The following SLC9C1 variants were observed in gnomAD, a reference collection of about 807,000 sequenced individuals.
SLC9C1 encodes solute carrier family 9 member C1, also known as sodium/hydrogen exchanger 10.
Under a neutral mutation model 140.9 loss-of-function variants are expected in SLC9C1, and 97 were observed. The observed-to-expected ratio is 0.69, with a 90% CI of 0.58 to 0.82. SLC9C1 has a LOEUF of 0.82. Ranked by LOEUF, SLC9C1 falls within the 40% of genes least tolerant of loss-of-function variation. SLC9C1 has a pLI of 0.00. For missense variants in SLC9C1, 1,340 were observed against 1,389.3 expected (o/e 0.96, Z 0.56); for synonymous variants, 440 against 442.6 (o/e 0.99, Z 0.07).
At chr3:112,251,933 C>G (rs1009058595) in intron 10 of SLC9C1, among the ~76,000 whole-genome samples, 6 of 152,210 alleles carry the variant, frequency 3.9e-5, no homozygotes, top group African/African-American at 1.4e-4. Context: ...ATCTAACCCC[C>G]AACCTTGCTC....
At chr3:112,205,302 A>C (rs1421547590) in intron 16 of SLC9C1, among the ~76,000 whole-genome samples, 1 of 152,220 alleles carries the variant, frequency 6.6e-6, no homozygotes, top group Non-Finnish European at 1.5e-5. Context: ...CCCATTCACA[A>C]TTGCTTCAAA....
chr3:112,291,947 A>G (rs1357981025), intron 1 of SLC9C1, among the ~76,000 whole-genome samples: 1 of 152,262 alleles, frequency 6.6e-6, no homozygotes, highest in Non-Finnish European at 1.5e-5. Flanking sequence ...ATAAAAAAGA[A>G]TGAGATCATG....
intron 1 of SLC9C1, among the ~76,000 whole-genome samples, chr3:112,290,498 T>C (rs898949952): frequency 1.3e-5 from 2 of 152,200 alleles, no homozygotes; most frequent in African/African-American, 4.8e-5. Context: ...TTAGAGTATG[T>C]GTCACGTGGC....
intron 20 of SLC9C1, chr3:112,185,649 C>T (rs1252448082): frequency 7.7e-6 from 12 of 1,563,312 alleles, no homozygotes; most frequent in Non-Finnish European, 1.0e-5. Context: ...AGCTCCTTGG[C>T]GGTCCAGTGA....
At chr3:112,150,793 CATATATATATATATATAAATACATAT>C (rs1560003229) in intron 28 of SLC9C1, among the ~76,000 whole-genome samples, 2 of 56,872 alleles carry the variant, frequency 3.5e-5, no homozygotes, top group African/African-American at 1.2e-4. Context: ...AATACATATA[CATATATATATATATATAAATACATAT>C]ACATATATAT....
At chr3:112,144,976 T>C (rs947085337) in intron 28 of SLC9C1, among the ~76,000 whole-genome samples, 1 of 152,246 alleles carries the variant, frequency 6.6e-6, no homozygotes, top group Non-Finnish European at 1.5e-5. Flanking sequence ...TCTAGTATTA[T>C]GTTGAATAGG....
intron 10 of SLC9C1, among the ~76,000 whole-genome samples, chr3:112,245,682 T>G (rs1293636725): frequency 6.6e-6 from 1 of 152,124 alleles, no homozygotes; most frequent in African/African-American, 2.4e-5. Flanking sequence ...TTTTCAAAAT[T>G]ATTAGGGCTA....
intron 23 of SLC9C1, among the ~76,000 whole-genome samples, chr3:112,177,592 C>T (rs1460600078): frequency 2.7e-5 from 4 of 149,556 alleles, no homozygotes; most frequent in Non-Finnish European, 4.4e-5. Context: ...AGCAGAGGAT[C>T]GGGGTGAATG....
At chr3:112,191,419 C>T (rs2077659282) in intron 20 of SLC9C1, among the ~76,000 whole-genome samples, 1 of 152,044 alleles carries the variant, frequency 6.6e-6, no homozygotes, top group Non-Finnish European at 1.5e-5. Flanking sequence ...TTAATTTTGT[C>T]AAATGCCTTT....
At chr3:112,143,989 C>A (rs1320435893) in intron 28 of SLC9C1, among the ~76,000 whole-genome samples, 1 of 151,956 alleles carries the variant, frequency 6.6e-6, no homozygotes, top group Non-Finnish European at 1.5e-5. Context: ...ATCCTAGTAC[C>A]AGTTATTGAA....
intron 23 of SLC9C1, among the ~76,000 whole-genome samples, chr3:112,170,382 T>C (rs2077223867): frequency 6.6e-6 from 1 of 152,226 alleles, no homozygotes; most frequent in African/African-American, 2.4e-5. Context: ...GATTAATGAT[T>C]TTGAACATTG....
intron 10 of SLC9C1, among the ~76,000 whole-genome samples, chr3:112,248,160 A>G (rs2079345955): frequency 6.6e-6 from 1 of 152,148 alleles, no homozygotes; most frequent in Non-Finnish European, 1.5e-5. Context: ...CTTCTGGCCA[A>G]GAGTCAACAA....
intron 10 of SLC9C1, among the ~76,000 whole-genome samples, chr3:112,246,612 T>C (rs1387570088): frequency 1.3e-5 from 2 of 152,136 alleles, no homozygotes; most frequent in Admixed American, 1.3e-4. Context: ...TCCAAGTGTA[T>C]ATGCACACAG....
intron 5 of SLC9C1, among the ~76,000 whole-genome samples, chr3:112,276,293 T>C (rs1033113472): frequency 8.6e-5 from 13 of 151,516 alleles, no homozygotes; most frequent in African/African-American, 3.2e-4. Context: ...ATAGGAGGAG[T>C]CAAAGGACAT....
At chr3:112,195,384 G>GT (rs1410875688) in intron 20 of SLC9C1, among the ~76,000 whole-genome samples, 1 of 152,058 alleles carries the variant, frequency 6.6e-6, no homozygotes, top group Non-Finnish European at 1.5e-5. Flanking sequence ...GTTGGATCAT[G>GT]TTTTTTGATC....
intron 23 of SLC9C1, among the ~76,000 whole-genome samples, chr3:112,177,798 T>A (rs530717481): frequency 1.3e-5 from 2 of 150,664 alleles, no homozygotes; most frequent in East Asian, 1.9e-4. Flanking sequence ...GGTTTTTTTT[T>A]TATAGCAGAT....
At chr3:112,231,581 A>C in intron 12 of SLC9C1, 95 bp from the exon 13 acceptor site, 2 of 1,231,336 alleles carry the variant, frequency 1.6e-6, no homozygotes, top group Non-Finnish European at 2.2e-6. Context: ...GTTTGCATTG[A>C]AAAATGGTAG....
chr3:112,170,479 T>C (rs2077225464), intron 23 of SLC9C1, among the ~76,000 whole-genome samples: 1 of 152,238 alleles, frequency 6.6e-6, no homozygotes. Context: ...ATTATTTATT[T>C]TCTTGCTGTT....
At chr3:112,218,212 G>A (rs966783743) in intron 14 of SLC9C1, among the ~76,000 whole-genome samples, 3 of 149,296 alleles carry the variant, frequency 2.0e-5, no homozygotes, top group South Asian at 2.1e-4. Flanking sequence ...GCTCAGATCC[G>A]TGTATATGAT....
Sources: gnomAD v4.1 joint callset for allele counts (sites outside exome capture counted in the v4.1 genomes callset) on GRCh38, gnomAD v4.1.1 for gene constraint, MANE v1.5 for transcripts, NCBI Gene and HGNC (gene_info 2026-07-23, HGNC 2026-07-21) for gene names.